The following NTN1 variants were observed in gnomAD, a reference collection of about 807,000 sequenced individuals.
NTN1 encodes the protein netrin 1, also known as netrin-1.
In NTN1, 11 loss-of-function variants were observed where a neutral mutation model predicts 54.2. The observed-to-expected ratio is 0.20, with a 90% confidence interval of 0.13 to 0.34. The LOEUF is 0.34. NTN1 is among the 10% of genes least tolerant of loss of function. The probability of loss-of-function intolerance (pLI) is 1.00; values close to 1 mark genes in which losing one functional copy is unlikely to be tolerated. For synonymous variants in NTN1, 371 were observed against 382.0 expected, an observed-to-expected ratio of 0.97 and a Z score of 0.33; for missense variants, 740 against 893.1, an observed-to-expected ratio of 0.83 and a Z score of 2.18.
chr17:9,100,423 G>A (rs948852071), intron 2 of NTN1, among the ~76,000 whole-genome samples: 10 of 151,952 alleles, frequency 6.6e-5, no homozygotes, highest in Admixed American at 1.3e-4. Context: ...TCAGCCTTCC[G>A]AGTAGCTGGG....
intron 2 of NTN1, among the ~76,000 whole-genome samples, chr17:9,026,048 A>C (rs2091869461): frequency 6.6e-6 from 1 of 152,192 alleles, no homozygotes; most frequent in South Asian, 2.1e-4. Context: ...CTTAATAACA[A>C]TGAGCCTATT....
Position 9,090,420 on chromosome 17 carries a change from T to C in NTN1, c.1018+67029T>C, listed in dbSNP as rs1262630589. Among the ~76,000 whole-genome samples, 3 of 152,132 alleles carry C rather than the reference T, an allele frequency of 2.0e-5. No homozygotes were observed. The East Asian group carries it at 5.8e-4, about 29-fold the overall frequency. On this transcript the variant is annotated intron_variant, in intron 2 of 6. Transcript: ENST00000173229. Reference sequence around the variant, plus strand: ...CGATCTCTTGACCTCATGATCCGCCTGCCTCGGCCTCCCAGAGTGCTGGGA... The same window carrying C: ...CGATCTCTTGACCTCATGATCCGCCCGCCTCGGCCTCCCAGAGTGCTGGGA...
intron 6 of NTN1, among the ~76,000 whole-genome samples, chr17:9,229,255 G>A (rs1479104225): frequency 2.6e-5 from 4 of 152,052 alleles, no homozygotes; most frequent in Admixed American, 6.6e-5. Context: ...TCACCATACC[G>A]TCTGCGTGCC....
the NTN1 span, among the ~76,000 whole-genome samples, chr17:9,009,864 G>C: frequency 6.6e-6 from 1 of 152,146 alleles, no homozygotes; most frequent in South Asian, 2.1e-4. Context: ...AACCCGTTTT[G>C]ATGACTCACA....
intron 2 of NTN1, among the ~76,000 whole-genome samples, chr17:9,126,821 G>A (rs1388418853): frequency 1.3e-5 from 2 of 152,160 alleles, no homozygotes; most frequent in Non-Finnish European, 2.9e-5. Context: ...GAAAGTTGCA[G>A]ATATCAGCTC....
At chr17:9,222,930 C>T (rs1905412188) in intron 6 of NTN1, among the ~76,000 whole-genome samples, 1 of 152,200 alleles carries the variant, frequency 6.6e-6, no homozygotes, top group Non-Finnish European at 1.5e-5. Context: ...ACTCCCTACG[C>T]ACACACTGAA....
rs542207147 is a variant in NTN1 at position 9,236,721 on chromosome 17, G to A, written c.1487-2919G>A. Among the ~76,000 whole-genome samples the A allele has an allele frequency of 6.0e-4, 92 of 152,310 alleles. 1 individual carries two copies. In the South Asian group the frequency reaches 0.012, roughly 20 times the overall value. On this transcript the variant is annotated intron_variant, in intron 6 of 6. Coordinates refer to ENST00000173229, the MANE Select transcript of NTN1 (RefSeq NM_004822.3). ...CATTGCTCTATCCCTCTGGACTCCC[G>A]GCAGCAAGGTGTCCAGAGGAAGGTA...
intron 5 of NTN1, among the ~76,000 whole-genome samples, chr17:9,185,845 G>A (rs2092431697): frequency 6.6e-6 from 1 of 152,220 alleles, no homozygotes; most frequent in South Asian, 2.1e-4. Context: ...TTTGGTGGGA[G>A]GAGTCTGGTA....
chr17:9,132,238 G>A (rs1398543494), intron 2 of NTN1, among the ~76,000 whole-genome samples: 1 of 152,058 alleles, frequency 6.6e-6, no homozygotes, highest in Non-Finnish European at 1.5e-5. Context: ...TCATTCTCCT[G>A]TCACTCTGTC....
intron 2 of NTN1, among the ~76,000 whole-genome samples, chr17:9,113,019 A>ATTTT (rs398058563): frequency 7.0e-5 from 10 of 141,932 alleles, no homozygotes; most frequent in Non-Finnish European, 7.7e-5. Context: ...TGTATACAGA[A>ATTTT]TTTTTTTTAT....
chr17:9,050,260 A>T lies in NTN1; in HGVS notation c.1018+26869A>T, dbSNP rs188484592. Among the ~76,000 whole-genome samples, 944 of 151,688 alleles carry T rather than the reference A, an allele frequency of 6.2e-3. 11 individuals are homozygous for T. Among genetic ancestry groups the T allele is most frequent in the African/African-American group, 0.021 (868 of 41,406 alleles). On this transcript the variant is annotated intron_variant, in intron 2 of 6. Coordinates refer to ENST00000173229, the MANE Select transcript of NTN1 (RefSeq NM_004822.3). ...AGACTCTGTCTCAAAAAAATAAAAA[A>T]AAATAAAAATAAAATAAAAATAAAT...
At chr17:9,153,502 A>G (rs1423761379) in intron 2 of NTN1, among the ~76,000 whole-genome samples, 1 of 152,154 alleles carries the variant, frequency 6.6e-6, no homozygotes, top group Non-Finnish European at 1.5e-5. Flanking sequence ...TTAGGAGGGA[A>G]TGCTGGTGAA....
intron 2 of NTN1, among the ~76,000 whole-genome samples, chr17:9,122,619 T>G (rs1300270130): frequency 1.3e-5 from 2 of 152,230 alleles, no homozygotes; most frequent in Non-Finnish European, 2.9e-5. Flanking sequence ...TATGTTCTTA[T>G]TGTATTTTTC....
chr17:9,229,932 G>A (rs3785999), intron 6 of NTN1, among the ~76,000 whole-genome samples: 38,038 of 151,846 alleles, frequency 0.25, 4,929 homozygotes, highest in East Asian at 0.48. Context: ...GATGGATCCC[G>A]GTCCTGGCTC....
chr17:9,125,078 T>G (rs1456518852), intron 2 of NTN1, among the ~76,000 whole-genome samples: 1 of 152,156 alleles, frequency 6.6e-6, no homozygotes, highest in African/African-American at 2.4e-5. Context: ...TTTTATTTTT[T>G]TAAGACAGAG....
At chr17:9,214,359 T>C (rs76221661) in intron 5 of NTN1, among the ~76,000 whole-genome samples, 2,360 of 152,360 alleles carry the variant, frequency 0.015, 53 homozygotes, top group African/African-American at 0.05. Flanking sequence ...TGAGATGTTA[T>C]TCTACGTCAA....
intron 2 of NTN1, among the ~76,000 whole-genome samples, chr17:9,092,157 T>TA (rs2092113288): frequency 6.6e-6 from 1 of 152,036 alleles, no homozygotes; most frequent in Non-Finnish European, 1.5e-5. Context: ...CCCAAAGTGC[T>TA]GAGATTACAG....
intron 2 of NTN1, 112 bp downstream of exon 2, chr17:9,023,503 G>A: frequency 4.8e-6 from 6 of 1,246,910 alleles, no homozygotes; most frequent in Middle Eastern, 2.9e-4. Flanking sequence ...GGCGGGAGGC[G>A]CGTTCGCCGA....
At position 9,221,258 on chromosome 17, in the gene NTN1, C is replaced by T. The variant is rs758934716; in HGVS notation, c.1486+16C>T. 1 of 1,603,392 alleles carries T rather than the reference C, an allele frequency of 6.2e-7. No individual in the cohort carries two copies. The highest frequency in any genetic ancestry group is 8.5e-7 in the Non-Finnish European group (1 of 1,170,422). ...AAGGACTATGGTGAGTGAGAGTCCC[C>T]TTGTCTGGGGAGGATGGGAGGGGGC... On this transcript the variant is annotated intron_variant, in intron 6 of 6. Transcript: ENST00000173229. The surrounding 1 kb of genome is among the most constrained non-coding windows in gnomAD (Gnocchi z 4.5).
Sources: gnomAD v4.1 joint callset for allele counts (sites outside exome capture counted in the v4.1 genomes callset) on GRCh38, gnomAD v4.1.1 for gene constraint, Gnocchi (gnomAD v3.1) non-coding constraint, MANE v1.5 for transcripts, NCBI Gene and HGNC (gene_info 2026-07-23, HGNC 2026-07-21) for gene names.